PRPSAP1: variants seen among roughly 807,000 people sequenced by gnomAD.
PRPSAP1 encodes the protein phosphoribosyl pyrophosphate synthetase associated protein 1, also known as phosphoribosyl pyrophosphate synthase-associated protein 1.
PRPSAP1 carries 31 observed loss-of-function variants against 39.4 expected under a neutral mutation model. That is an observed-to-expected ratio of 0.79 (90% CI 0.59 to 1.06). The LOEUF (loss-of-function observed/expected upper bound fraction) is 1.06, where lower values mean the gene tolerates loss of function less well. PRPSAP1 is among the 50% of genes least tolerant of loss of function. The pLI is 0.00. For synonymous variants in PRPSAP1, 212 were observed against 192.6 expected (o/e 1.10, Z -0.83); for missense variants, 430 against 511.6 (o/e 0.84, Z 1.54).
intron 3 of PRPSAP1, among the ~76,000 whole-genome samples, chr17:76,334,037 C>T (rs935038175): frequency 4.6e-5 from 7 of 152,186 alleles, no homozygotes; most frequent in South Asian, 2.1e-4. Flanking sequence ...TACAGGCATG[C>T]GCCACCATTC....
At chr17:76,320,422 G>GTTT (rs2071182813) in intron 7 of PRPSAP1, among the ~76,000 whole-genome samples, 6 of 86,974 alleles carry the variant, frequency 6.9e-5, no homozygotes, top group South Asian at 4.1e-4. Context: ...TGCAGATAAT[G>GTTT]CTTTTTTTTT....
At chr17:76,328,601 T>TC (rs2071278958) in intron 7 of PRPSAP1, 116 bp downstream of exon 7, 1 of 1,305,438 alleles carries the variant, frequency 7.7e-7, no homozygotes, top group African/African-American at 1.5e-5. Flanking sequence ...AGAGTGAGAC[T>TC]CCATCTCAAA....
intron 7 of PRPSAP1, among the ~76,000 whole-genome samples, chr17:76,316,408 C>T (rs985592487): frequency 4.6e-5 from 7 of 152,126 alleles, no homozygotes; most frequent in Admixed American, 4.6e-4. Flanking sequence ...GCCCAATATA[C>T]TCATTCCCTG....
In PRPSAP1 at chr17:76,309,690, G is replaced by A. The variant is rs1470117157; in HGVS notation, c.*1852C>T. 6.6e-6 allele frequency: 1 copy of A among 152,188 alleles called. No individual in the cohort carries two copies. The highest frequency in any genetic ancestry group is 2.1e-4 in the South Asian group (1 of 4,830). 9.4% of individuals were successfully genotyped at this position (152,188 alleles called of 1,614,324 possible). On this transcript the variant is annotated 3_prime_UTR_variant, in exon 10 of 10. Transcript: ENST00000446526. ...ATACAGCATGACCACCATCTACACA[G>A]GATATTGCAGTAGGTATTACAAGTC...
At chr17:76,348,636 T>A in intron 1 of PRPSAP1, 55 bp from the exon 2 acceptor site, 1 of 1,371,486 alleles carries the variant, frequency 7.3e-7, no homozygotes, top group Non-Finnish European at 9.8e-7. Flanking sequence ...TTTAAAAAAA[T>A]TCCAGTTCAT....
intron 1 of PRPSAP1, among the ~76,000 whole-genome samples, chr17:76,349,726 A>G (rs1465970515): frequency 2.6e-5 from 4 of 151,866 alleles, no homozygotes; most frequent in Non-Finnish European, 5.9e-5. Flanking sequence ...ACACCATCGC[A>G]CTCCAGCCTC....
chr17:76,320,723 T>C (rs889599433), intron 7 of PRPSAP1, among the ~76,000 whole-genome samples: 48 of 150,674 alleles, frequency 3.2e-4, no homozygotes, highest in Non-Finnish European at 5.2e-4. Flanking sequence ...ATAATAAAAT[T>C]TTTACAGATT....
At chr17:76,348,255 C>CAGA (rs1188559325) in intron 2 of PRPSAP1, among the ~76,000 whole-genome samples, 1 of 151,880 alleles carries the variant, frequency 6.6e-6, no homozygotes, top group African/African-American at 2.4e-5. Context: ...ATAGGGTCCC[C>CAGA]TGAGGTCAGG....
intron 7 of PRPSAP1, among the ~76,000 whole-genome samples, chr17:76,328,486 G>A (rs1229052897): frequency 6.6e-6 from 1 of 152,050 alleles, no homozygotes. Flanking sequence ...GCACACACCT[G>A]TAATCTTTGC....
intron 7 of PRPSAP1, among the ~76,000 whole-genome samples, chr17:76,326,346 AT>A (rs1416219756): frequency 1.3e-5 from 2 of 152,212 alleles, no homozygotes; most frequent in Admixed American, 6.5e-5. Context: ...GAGAAGCAGA[AT>A]ATTTACAGTT....
chr17:76,331,984 C>A (rs557704042), intron 4 of PRPSAP1, among the ~76,000 whole-genome samples: 137 of 152,198 alleles, frequency 9.0e-4, no homozygotes, highest in African/African-American at 3.1e-3. Flanking sequence ...AATGCCAAGA[C>A]TGCCAGCTAA....
intron 9 of PRPSAP1, among the ~76,000 whole-genome samples, chr17:76,312,462 C>T (rs754726233): frequency 6.6e-6 from 1 of 151,626 alleles, no homozygotes; most frequent in African/African-American, 2.4e-5. Context: ...GCATTTAATA[C>T]GCCTAACCTA....
chr17:76,328,344 C>A (rs2071275951), intron 7 of PRPSAP1, among the ~76,000 whole-genome samples: 1 of 152,214 alleles, frequency 6.6e-6, no homozygotes, highest in Non-Finnish European at 1.5e-5. Flanking sequence ...GTAATCCCAG[C>A]ACTCTGGGAG....
intron 4 of PRPSAP1, among the ~76,000 whole-genome samples, 174 bp downstream of exon 4, chr17:76,332,089 G>A (rs1333550680): frequency 1.3e-5 from 2 of 151,922 alleles, no homozygotes; most frequent in African/African-American, 4.8e-5. Flanking sequence ...AGGACAAAGC[G>A]AATAAGGGAA....
intron 7 of PRPSAP1, 59 bp downstream of exon 7, chr17:76,328,654 AAACC>A (rs1338048455): frequency 3.8e-6 from 6 of 1,560,080 alleles, no homozygotes; most frequent in Non-Finnish European, 5.2e-6. Context: ...AAAACCAACA[AAACC>A]AACAAAAAAA....
intron 9 of PRPSAP1, 48 bp downstream of exon 9, chr17:76,312,822 A>G (rs1351918644): frequency 6.4e-7 from 1 of 1,571,396 alleles, no homozygotes; most frequent in Non-Finnish European, 8.6e-7. Flanking sequence ...TATTATTCCC[A>G]GAAAACACAG....
intron 2 of PRPSAP1, 117 bp downstream of exon 2, chr17:76,348,412 G>A (rs1192349122): frequency 2.0e-5 from 9 of 440,650 alleles, no homozygotes; most frequent in South Asian, 7.1e-5. Flanking sequence ...GGCAGAGGTT[G>A]CAGTGAGCCA....
intron 7 of PRPSAP1, among the ~76,000 whole-genome samples, chr17:76,317,798 T>G (rs1047949550): frequency 3.9e-5 from 6 of 152,218 alleles, no homozygotes; most frequent in Non-Finnish European, 7.3e-5. Context: ...GTGGCAAATG[T>G]AGTCTTCTTC....
intron 7 of PRPSAP1, among the ~76,000 whole-genome samples, chr17:76,317,639 T>C (rs2071139069): frequency 1.3e-5 from 2 of 152,212 alleles, no homozygotes; most frequent in South Asian, 4.1e-4. Context: ...AAAATTTACA[T>C]TTAACATGCT....
Sources: gnomAD v4.1 joint callset for allele counts (sites outside exome capture counted in the v4.1 genomes callset) on GRCh38, gnomAD v4.1.1 for gene constraint, MANE v1.5 for transcripts, NCBI Gene and HGNC (gene_info 2026-07-23, HGNC 2026-07-21) for gene names.